Variants in CR1L observed in about 807,000 individuals in gnomAD.
CR1L encodes the protein complement component receptor 1-like protein.
CR1L carries 59 observed loss-of-function variants against 62.3 expected under a neutral mutation model. The ratio of observed to expected loss-of-function variants is 0.95; its 90% CI spans 0.77 to 1.18. The LOEUF (loss-of-function observed/expected upper bound fraction) is 1.18. Ranked by LOEUF, CR1L falls within the 50% of genes most tolerant of loss-of-function variation. The pLI is 0.00. For missense variants in CR1L, 700 were observed against 702.8 expected (o/e 1.00, Z 0.04); for synonymous variants, 279 against 248.7 (o/e 1.12, Z -1.15).
chr1:207,667,591 G>A (rs1663542247), intron 1 of CR1L, among the ~76,000 whole-genome samples: 1 of 152,116 alleles, frequency 6.6e-6, no homozygotes, highest in Admixed American at 6.5e-5. Flanking sequence ...GGACATTTTG[G>A]GGGAACATTA....
intron 1 of CR1L, among the ~76,000 whole-genome samples, chr1:207,645,821 A>ATGGGCTGGGCTGGCC (rs1239685848): frequency 6.6e-6 from 1 of 151,994 alleles, no homozygotes; most frequent in African/African-American, 2.4e-5. Flanking sequence ...GCTGTGCCCC[A>ATGGGCTGGGCTGGCC]TGGGCTGGGC....
chr1:207,702,853 C>G (rs775266694), intron 9 of CR1L, among the ~76,000 whole-genome samples: 1 of 152,174 alleles, frequency 6.6e-6, no homozygotes, highest in Non-Finnish European at 1.5e-5. Flanking sequence ...GAGGCAGAGG[C>G]AGGTGGATCA....
At chr1:207,715,756 G>A (rs1036268589) in intron 10 of CR1L, among the ~76,000 whole-genome samples, 2 of 151,956 alleles carry the variant, frequency 1.3e-5, no homozygotes, top group Non-Finnish European at 2.9e-5. Context: ...GAATGCAGTG[G>A]TGCAATCACA....
chr1:207,712,969 T>A (rs994011195), intron 10 of CR1L, among the ~76,000 whole-genome samples: 6 of 152,030 alleles, frequency 3.9e-5, no homozygotes, highest in African/African-American at 1.5e-4. Context: ...CCAGAGAGAT[T>A]AATTTATGGA....
intron 10 of CR1L, among the ~76,000 whole-genome samples, chr1:207,713,577 A>G (rs938478214): frequency 6.6e-6 from 1 of 152,186 alleles, no homozygotes; most frequent in Non-Finnish European, 1.5e-5. Context: ...TGCAGAGCCC[A>G]TGGCTGCCGC....
At chr1:207,662,055 C>T (rs539758803) in intron 1 of CR1L, among the ~76,000 whole-genome samples, 2 of 152,342 alleles carry the variant, frequency 1.3e-5, no homozygotes, top group South Asian at 4.1e-4. Context: ...GTAACCCGAC[C>T]TTTCTCTCTG....
rs192520381 is a variant in CR1L at position 207,669,991 on chromosome 1, G to A, written c.98-7398G>A. On this transcript the variant is annotated intron_variant, in intron 1 of 11. Coordinates refer to ENST00000508064, the MANE Select transcript of CR1L (RefSeq NM_175710.2). ...CTGTGAGGCAAGTTAGCACACCTAA[G>A]TCTGTTTGCTCTTCTGTAAAATGGG... 2.7e-3 allele frequency among the ~76,000 whole-genome samples: 410 copies of A among 151,200 alleles called. 41 individuals are homozygous for A. Among genetic ancestry groups the A allele is most frequent in the African/African-American group, 9.6e-3 (388 of 40,502 alleles).
intron 1 of CR1L, among the ~76,000 whole-genome samples, chr1:207,647,129 T>C (rs571286786): frequency 2.6e-5 from 4 of 152,320 alleles, no homozygotes; most frequent in African/African-American, 7.2e-5. Context: ...CTAAAATGTA[T>C]TGGGAGTGGC....
chr1:207,717,318 C>A (rs993159472), intron 10 of CR1L, 146 bp from the exon 11 acceptor site: 2 of 964,392 alleles, frequency 2.1e-6, no homozygotes, highest in Non-Finnish European at 3.0e-6. Context: ...CAACAAAAGC[C>A]TTACAGATTT....
intron 4 of CR1L, among the ~76,000 whole-genome samples, chr1:207,686,853 G>A (rs916021755): frequency 2.7e-4 from 41 of 152,278 alleles, no homozygotes; most frequent in Admixed American, 1.3e-3. Flanking sequence ...GAGCTGTCAC[G>A]AATGGGATTA....
intron 1 of CR1L, among the ~76,000 whole-genome samples, chr1:207,673,978 C>T (rs555423377): frequency 6.6e-6 from 1 of 152,220 alleles, no homozygotes; most frequent in African/African-American, 2.4e-5. Flanking sequence ...TTGAATATTA[C>T]CCAGCAACAA....
At chr1:207,712,756 T>A (rs981431993) in intron 10 of CR1L, among the ~76,000 whole-genome samples, 4 of 152,234 alleles carry the variant, frequency 2.6e-5, no homozygotes, top group African/African-American at 9.6e-5. Context: ...TTTTATTTTT[T>A]CTTCTCGTGA....
At chr1:207,688,440 CAAAA>C (rs35198320) in intron 4 of CR1L, among the ~76,000 whole-genome samples, 1 of 151,018 alleles carries the variant, frequency 6.6e-6, no homozygotes. Flanking sequence ...ACTATAATGG[CAAAA>C]AAAACTGTAG....
intron 1 of CR1L, among the ~76,000 whole-genome samples, chr1:207,647,906 T>G (rs1663156031): frequency 6.6e-6 from 1 of 152,136 alleles, no homozygotes; most frequent in Non-Finnish European, 1.5e-5. Flanking sequence ...CGAAAGGACT[T>G]TTTTTTCTTT....
chr1:207,655,274 A>C (rs1469379400), intron 1 of CR1L: 3 of 701,930 alleles, frequency 4.3e-6, no homozygotes, highest in Admixed American at 4.8e-5. Context: ...CAATATGTGA[A>C]AGTAAGTAAA....
intron 11 of CR1L, among the ~76,000 whole-genome samples, chr1:207,718,243 C>G (rs553916644): frequency 8.8e-4 from 134 of 152,260 alleles, no homozygotes; most frequent in African/African-American, 3.1e-3. Context: ...TCGGGAGGCC[C>G]TGGAGAAGCA....
At chr1:207,706,646 A>T (rs1664272353) in intron 9 of CR1L, among the ~76,000 whole-genome samples, 1 of 152,208 alleles carries the variant, frequency 6.6e-6, no homozygotes, top group Admixed American at 6.5e-5. Flanking sequence ...TCTACACAAC[A>T]CTAAATTGTA....
At chr1:207,718,012 T>G (rs1191488782) in intron 11 of CR1L, among the ~76,000 whole-genome samples, 7 of 152,178 alleles carry the variant, frequency 4.6e-5, no homozygotes, top group Non-Finnish European at 1.0e-4. Context: ...AATGTACTCT[T>G]TTATTCTACC....
chr1:207,719,182 G>A lies in CR1L; in HGVS notation c.1642+1491G>A, dbSNP rs867036816. ...TAGATGACACGTTAGTGGGTGCAGC[G>A]CACCAGCATGGCACATGTATACATA... On this transcript the variant is annotated intron_variant, in intron 11 of 11. Coordinates refer to ENST00000508064, the MANE Select transcript of CR1L (RefSeq NM_175710.2). 5.6e-5 allele frequency among the ~76,000 whole-genome samples: 8 copies of A among 142,134 alleles called. No individual in the cohort carries two copies. The East Asian group carries it at 8.1e-4, about 14-fold the overall frequency. 93.2% of individuals were successfully genotyped at this position (142,134 alleles called of 152,430 possible).
Sources: allele counts gnomAD v4.1 joint callset (sites outside exome capture counted in the v4.1 genomes callset), GRCh38; gene constraint gnomAD v4.1.1; transcripts MANE v1.5; gene names NCBI Gene and HGNC (gene_info 2026-07-23, HGNC 2026-07-21).